The following PTGR3 variants were observed in gnomAD, a reference collection of about 807,000 sequenced individuals.
PTGR3 encodes prostaglandin reductase 3, also known as zinc binding alcohol dehydrogenase domain containing 2.
At chr18:75,199,545 C>A in the PTGR3 span, 5 of 152,166 alleles carry the variant, frequency 3.3e-5, no homozygotes, top group South Asian at 2.1e-4. Flanking sequence ...CCTGCTCCCC[C>A]CTCCTTTGTT....
the PTGR3 span, chr18:75,198,579 C>T: frequency 6.6e-6 from 1 of 151,876 alleles, no homozygotes; most frequent in East Asian, 1.9e-4. Flanking sequence ...AAAGGAACCC[C>T]TAAATGACAC....
the PTGR3 span, chr18:75,201,837 G>A: frequency 6.2e-7 from 1 of 1,614,166 alleles, no homozygotes; most frequent in African/African-American, 1.3e-5. Context: ...GACACCTTCA[G>A]GGTACTCCTG....
At chr18:75,203,503 G>A in the PTGR3 span, among the ~76,000 whole-genome samples, 3 of 152,162 alleles carry the variant, frequency 2.0e-5, no homozygotes, top group African/African-American at 7.2e-5. Flanking sequence ...GCTTATAAAA[G>A]CTCACTTATG....
chr18:75,204,445 T>A, the PTGR3 span, among the ~76,000 whole-genome samples: 1 of 152,176 alleles, frequency 6.6e-6, no homozygotes, highest in Non-Finnish European at 1.5e-5. Context: ...CAGCGGCTGC[T>A]TGAGTTTGCC....
the PTGR3 span, among the ~76,000 whole-genome samples, chr18:75,205,731 A>C: frequency 6.6e-6 from 1 of 151,754 alleles, no homozygotes; most frequent in East Asian, 1.9e-4. Flanking sequence ...AAAAAAGAAA[A>C]AAGAAAGAAA....
chr18:75,201,296 C>CTTACTT, the PTGR3 span: 2 of 876,616 alleles, frequency 2.3e-6, no homozygotes, highest in Non-Finnish European at 3.4e-6. Flanking sequence ...TCATTAACAC[C>CTTACTT]TTACTTTTGT....
chr18:75,201,585 A>T, the PTGR3 span: 2 of 1,614,010 alleles, frequency 1.2e-6, no homozygotes, highest in African/African-American at 2.7e-5. Flanking sequence ...GCTCACACAC[A>T]TCTCGAGCAA....
chr18:75,201,835 CA>C, the PTGR3 span: 2 of 1,614,204 alleles, frequency 1.2e-6, no homozygotes, highest in Admixed American at 3.3e-5. Context: ...TCGACACCTT[CA>C]GGGTACTCCT....
At chr18:75,198,247 A>G in the PTGR3 span, 5 of 152,224 alleles carry the variant, frequency 3.3e-5, no homozygotes. Flanking sequence ...TGTGGTGGTG[A>G]ACACAAAAAG....
the PTGR3 span, among the ~76,000 whole-genome samples, chr18:75,207,610 C>A: frequency 6.6e-6 from 1 of 151,590 alleles, no homozygotes; most frequent in Non-Finnish European, 1.5e-5. Context: ...CAGACCAGCC[C>A]CCCACCCCCG....
chr18:75,208,796 G>A, the PTGR3 span: 2 of 1,338,456 alleles, frequency 1.5e-6, no homozygotes, highest in South Asian at 1.8e-5. Context: ...GGCGCGGCGC[G>A]GCGCGAGCCC....
the PTGR3 span, chr18:75,209,136 C>A: frequency 8.2e-7 from 1 of 1,224,776 alleles, no homozygotes; most frequent in Non-Finnish European, 1.0e-6. This position sits in a 1 kb window ranked among gnomAD's most constrained non-coding sequence, Gnocchi z 4.7. Context: ...CTCGGCTGTG[C>A]TCTGCTCGGC....
the PTGR3 span, chr18:75,202,423 T>A: frequency 1.5e-6 from 2 of 1,352,500 alleles, no homozygotes; most frequent in African/African-American, 2.9e-5. Flanking sequence ...TTCCTCTAGT[T>A]CTGGCGACCC....
chr18:75,202,552 TA>T, the PTGR3 span, among the ~76,000 whole-genome samples: 1 of 152,162 alleles, frequency 6.6e-6, no homozygotes, highest in East Asian at 1.9e-4. Context: ...GTTTTTGGCA[TA>T]TTTTTTCCTT....
At chr18:75,199,725 C>A in the PTGR3 span, 32 of 152,756 alleles carry the variant, frequency 2.1e-4, no homozygotes, top group African/African-American at 7.7e-4. Context: ...CATCAGGCCG[C>A]TACCCTTCTT....
chr18:75,200,931 G>A, the PTGR3 span: 1 of 152,456 alleles, frequency 6.6e-6, no homozygotes. Context: ...GAAAAAAAAA[G>A]GACCATTTCC....
At chr18:75,205,327 A>G in the PTGR3 span, 2 of 985,924 alleles carry the variant, frequency 2.0e-6, no homozygotes, top group Non-Finnish European at 2.4e-6. Flanking sequence ...AAAGACAAGA[A>G]AGACACACTG....
the PTGR3 span, chr18:75,197,363 C>T: frequency 6.6e-6 from 1 of 152,244 alleles, no homozygotes; most frequent in African/African-American, 2.4e-5. Flanking sequence ...ATGCCTGTTT[C>T]AAGACATCTC....
the PTGR3 span, chr18:75,201,981 A>G: frequency 6.2e-7 from 1 of 1,614,244 alleles, no homozygotes; most frequent in African/African-American, 1.3e-5. Context: ...TGAAAGCTGC[A>G]TGGCAAACTG....
Sources: gnomAD v4.1 joint callset for allele counts (sites outside exome capture counted in the v4.1 genomes callset) on GRCh38, gnomAD v4.1.1 for gene constraint, Gnocchi (gnomAD v3.1) non-coding constraint, MANE v1.5 for transcripts, NCBI Gene and HGNC (gene_info 2026-07-23, HGNC 2026-07-21) for gene names.